The following CACNA1C variants were observed in gnomAD, a reference collection of about 807,000 sequenced individuals.
CACNA1C encodes voltage-dependent L-type calcium channel subunit alpha-1C.
A neutral mutation model predicts 229.0 loss-of-function variants in CACNA1C; 30 were observed. That is an observed-to-expected ratio of 0.13 (90% confidence interval 0.10 to 0.18). The LOEUF is 0.18. Ranked by LOEUF, CACNA1C falls within the 10% of genes least tolerant of loss-of-function variation. CACNA1C has a pLI of 1.00. For missense variants in CACNA1C, 1,658 were observed against 2,845.0 expected, an observed-to-expected ratio of 0.58 and a Z score of 9.49; for synonymous variants, 1,114 against 1,132.5, an observed-to-expected ratio of 0.98 and a Z score of 0.33.
At chr12:2,385,776 C>T (rs1024853718) in intron 3 of CACNA1C, among the ~76,000 whole-genome samples, 4 of 152,150 alleles carry the variant, frequency 2.6e-5, no homozygotes, top group Non-Finnish European at 4.4e-5. Flanking sequence ...TGGTTTTCAC[C>T]CCTGGGTGTA....
rs534549718 is a variant in CACNA1C at position 2,535,091 on chromosome 12, G to T, written c.1391-14852G>T. On this transcript the variant is annotated intron_variant, in intron 9 of 46. Coordinates refer to ENST00000399655, the MANE Select transcript of CACNA1C (RefSeq NM_000719.7). ...GCAGGACCTCTCACAAAAGATGTGG[G>T]CAATTAAAGCAGCTAGAGCCGGGCA... Among the ~76,000 whole-genome samples, 60 of 152,194 alleles carry T rather than the reference G, an allele frequency of 3.9e-4. 1 individual carries two copies. Among genetic ancestry groups the T allele is most frequent in the Non-Finnish European group, 1.0e-4 (7 of 68,030 alleles).
intron 3 of CACNA1C, among the ~76,000 whole-genome samples, chr12:2,439,955 C>T (rs944224074): frequency 3.3e-5 from 5 of 152,108 alleles, no homozygotes; most frequent in African/African-American, 1.2e-4. Flanking sequence ...AGAAGACCCC[C>T]GGCAGGACCT....
chr12:2,165,333 A>C (rs2096156627), intron 3 of CACNA1C, among the ~76,000 whole-genome samples: 1 of 152,260 alleles, frequency 6.6e-6, no homozygotes, highest in Admixed American at 6.5e-5. Context: ...GAGATTTTCC[A>C]GATTGTCCCT....
intron 1 of CACNA1C, among the ~76,000 whole-genome samples, chr12:2,001,546 T>C (rs1450167166): frequency 1.3e-5 from 2 of 152,216 alleles, no homozygotes; most frequent in African/African-American, 4.8e-5. Context: ...GCAATCTCTA[T>C]TTTAACTTGA....
intron 11 of CACNA1C, among the ~76,000 whole-genome samples, chr12:2,562,300 A>C (rs1050695904): frequency 1.3e-5 from 2 of 152,230 alleles, no homozygotes; most frequent in Non-Finnish European, 2.9e-5. Context: ...ACTCCAAGAC[A>C]GCTCTACATA....
At chr12:2,035,747 A>T (rs1027455794) in intron 1 of CACNA1C, among the ~76,000 whole-genome samples, 1 of 152,198 alleles carries the variant, frequency 6.6e-6, no homozygotes, top group African/African-American at 2.4e-5. Context: ...CCGAGGCAGG[A>T]CGGTACTTAA....
At chr12:2,352,907 G>A (rs971490317) in intron 3 of CACNA1C, among the ~76,000 whole-genome samples, 3 of 152,336 alleles carry the variant, frequency 2.0e-5, no homozygotes, top group East Asian at 3.9e-4. Context: ...GAGCAGTGGC[G>A]AGGACCAAAT....
intron 3 of CACNA1C, among the ~76,000 whole-genome samples, chr12:2,247,866 A>G (rs984340786): frequency 6.6e-6 from 1 of 152,188 alleles, no homozygotes; most frequent in South Asian, 2.1e-4. Context: ...TTAGGAACAA[A>G]GCAAGAAACA....
At chr12:2,589,756 T>A (rs971411112) in intron 18 of CACNA1C, among the ~76,000 whole-genome samples, 35 of 145,002 alleles carry the variant, frequency 2.4e-4, no homozygotes, top group African/African-American at 8.6e-4. Context: ...GCAGGGAGGA[T>A]ACTTGCGCAG....
chr12:2,052,474 C>A (rs1371454657), upstream of CACNA1C, among the ~76,000 whole-genome samples: 1 of 152,004 alleles, frequency 6.6e-6, no homozygotes, highest in Non-Finnish European at 1.5e-5. Context: ...CTTGGAATTC[C>A]GCTCACAGAG....
At chr12:2,088,519 A>C (rs1387588406) in intron 1 of CACNA1C, among the ~76,000 whole-genome samples, 2 of 152,216 alleles carry the variant, frequency 1.3e-5, no homozygotes, top group Non-Finnish European at 2.9e-5. Context: ...TGCCTACCTT[A>C]TGGGGGTGCT....
intron 4 of CACNA1C, 143 bp downstream of exon 4, chr12:2,449,258 A>G: frequency 1.7e-6 from 1 of 590,154 alleles, no homozygotes; most frequent in Non-Finnish European, 2.7e-6. Context: ...AATGAGATTT[A>G]TTTTGCTAAA....
In CACNA1C at chr12:2,686,273, G is replaced by T. The variant is rs2097478141; in HGVS notation, c.5784+4G>T. The stretch of plus-strand genomic sequence containing the variant: ...CTTGCATCTGGTTCATCATCAGGTA[G>T]CTCACACTTTTGGACAGGCCACTGT... On this transcript the variant is annotated splice_donor_region_variant and intron_variant, in intron 45 of 46. Transcript: ENST00000399655. The T allele has an allele frequency of 1.9e-6, 3 of 1,604,040 alleles. No individual in the cohort carries two copies.
At chr12:2,308,299 G>A (rs777191916) in intron 3 of CACNA1C, among the ~76,000 whole-genome samples, 6 of 151,950 alleles carry the variant, frequency 3.9e-5, no homozygotes, top group Non-Finnish European at 7.4e-5. Flanking sequence ...ATATATTTTG[G>A]ATATTAACCC....
intron 3 of CACNA1C, among the ~76,000 whole-genome samples, chr12:2,227,411 T>C (rs898855462): frequency 6.6e-6 from 1 of 152,240 alleles, no homozygotes; most frequent in Non-Finnish European, 1.5e-5. Context: ...TTTGACTGAC[T>C]TTTGGCAAGT....
At chr12:2,259,340 A>AG (rs1284137317) in intron 3 of CACNA1C, among the ~76,000 whole-genome samples, 5 of 152,314 alleles carry the variant, frequency 3.3e-5, no homozygotes, top group African/African-American at 1.2e-4. Flanking sequence ...AGCCTCTGAG[A>AG]GGGGCTGCAA....
At chr12:2,576,006 G>A (rs1026613017) in intron 13 of CACNA1C, among the ~76,000 whole-genome samples, 1 of 152,186 alleles carries the variant, frequency 6.6e-6, no homozygotes, top group Non-Finnish European at 1.5e-5. Flanking sequence ...TGAACAGATG[G>A]TGGTAACTTA....
intron 33 of CACNA1C, 48 bp from the exon 34 acceptor site, chr12:2,655,099 C>A (rs182939432): frequency 8.8e-7 from 1 of 1,138,406 alleles, no homozygotes; most frequent in Non-Finnish European, 1.3e-6. Context: ...GAAATTAGGA[C>A]CCTATCTGTC....
chr12:2,200,082 T>G (rs2097539408), intron 3 of CACNA1C, among the ~76,000 whole-genome samples: 1 of 152,228 alleles, frequency 6.6e-6, no homozygotes, highest in Admixed American at 6.5e-5. Context: ...CACTGAGCAG[T>G]GCCTGCACAT....
Sources: gnomAD v4.1 joint callset for allele counts (sites outside exome capture counted in the v4.1 genomes callset) on GRCh38, gnomAD v4.1.1 for gene constraint, MANE v1.5 for transcripts, NCBI Gene and HGNC (gene_info 2026-07-23, HGNC 2026-07-21) for gene names.